Variants in BTN3A3 observed in about 807,000 individuals in gnomAD.
The protein encoded by BTN3A3 is butyrophilin 3.
BTN3A3 carries 39 observed loss-of-function variants against 43.2 expected under a neutral mutation model. The observed-to-expected ratio is 0.90, with a 90% CI of 0.70 to 1.18. The LOEUF (loss-of-function observed/expected upper bound fraction) is 1.18, where lower values mean the gene tolerates loss of function less well. Among genes scored for constraint, BTN3A3 ranks in the 50% most tolerant of loss-of-function variants. BTN3A3 has a pLI of 0.00. For synonymous variants in BTN3A3, 255 were observed against 272.7 expected (o/e 0.93, Z 0.64); for missense variants, 631 against 722.8 (o/e 0.87, Z 1.46).
At chr6:26,446,911 T>A (rs1468238773) in intron 5 of BTN3A3, among the ~76,000 whole-genome samples, 1 of 152,108 alleles carries the variant, frequency 6.6e-6, no homozygotes, top group Non-Finnish European at 1.5e-5. Context: ...ATATTTTTAC[T>A]AGAGATGTGG....
At chr6:26,440,917 G>A (rs1373509856) in intron 1 of BTN3A3, among the ~76,000 whole-genome samples, 2 of 152,156 alleles carry the variant, frequency 1.3e-5, no homozygotes, top group Non-Finnish European at 1.5e-5. Context: ...TTGGTGGAAG[G>A]AGAGGGAGAC....
rs1442642996 is a variant in BTN3A3 at position 26,450,106 on chromosome 6, G to C, written c.992-1G>C. On this transcript the variant is annotated splice_acceptor_variant, in intron 9 of 10. Transcript: ENST00000244519. LOFTEE classifies it high-confidence loss of function. ...TCTTATCTGTGTCTCCTTCCTTTCA[G>C]AATGGAAAATGGCCCTCTTCAAACC... The C allele has an allele frequency of 3.1e-6, 5 of 1,613,696 alleles. No homozygotes were observed. Among genetic ancestry groups the C allele is most frequent in the Non-Finnish European group, 4.2e-6 (5 of 1,179,622 alleles).
chr6:26,445,702 A>G lies in BTN3A3; in HGVS notation c.434-2A>G. On this transcript the variant is annotated splice_acceptor_variant, in intron 4 of 10. Coordinates refer to ENST00000244519, the MANE Select transcript of BTN3A3 (RefSeq NM_006994.5). LOFTEE classifies it high-confidence loss of function. ...AATTTAGGGCAATTTATCCTTCTAC[A>G]GCATTGGGTTCTGATCTTCACATTG... 1 of 1,612,422 alleles carries G rather than the reference A, an allele frequency of 6.2e-7. No homozygotes were observed. Among genetic ancestry groups the G allele is most frequent in the Non-Finnish European group, 8.5e-7 (1 of 1,178,558 alleles).
At chr6:26,450,239 G>A in intron 10 of BTN3A3, 106 bp downstream of exon 10, 25 of 1,386,586 alleles carry the variant, frequency 1.8e-5, no homozygotes, top group Middle Eastern at 3.6e-4. Context: ...CCTTGACTAA[G>A]AAAGTTTGGG....
At position 26,453,257 on chromosome 6, in the gene BTN3A3, G is replaced by C. The variant is rs367610347; in HGVS notation, c.*846G>C. On this transcript the variant is annotated 3_prime_UTR_variant, in exon 11 of 11. Transcript: ENST00000244519. ...CTGGAAATAGGTCTGTCCACTCCTG[G>C]TCATTGGTGGATGTTAAACCCATAT... The C allele has an allele frequency of 3.9e-5, 6 of 152,126 alleles. No individual in the cohort carries two copies. Among genetic ancestry groups the C allele is most frequent in the Non-Finnish European group, 8.8e-5 (6 of 68,040 alleles). The allele number at this position is 152,126 out of a possible 1,614,324, so 9.4% of individuals were successfully genotyped here.
chr6:26,452,146 C>G lies in BTN3A3; in HGVS notation c.1490C>G (p.Pro497Arg), dbSNP rs1014552283. Residue 497 changes from proline (P) to arginine (R), a missense_variant, in exon 11 of 11, where the codon CCT (proline) becomes CGT (arginine). Physicochemically the swap from Pro to Arg is moderately radical, Grantham distance 103. Coordinates refer to ENST00000244519, the MANE Select transcript of BTN3A3 (RefSeq NM_006994.5). Reference protein sequence around the residue: ...PHASFSEPLYPVFRILTLEPT... With the variant: ...PHASFSEPLYRVFRILTLEPT... ...GCCTCTTTCTCTGAGCCTCTATATCCTGTTTTCAGAATTTTGACCTTGGAG... is the reference window on the plus strand; with the variant it reads ...GCCTCTTTCTCTGAGCCTCTATATCGTGTTTTCAGAATTTTGACCTTGGAG... 1.2e-6 allele frequency: 2 copies of G among 1,614,146 alleles called. No individual in the cohort carries two copies. Among genetic ancestry groups the G allele is most frequent in the Non-Finnish European group, 1.7e-6 (2 of 1,180,040 alleles).
chr6:26,446,291 T>A (rs1185767435), intron 5 of BTN3A3, among the ~76,000 whole-genome samples: 1 of 152,098 alleles, frequency 6.6e-6, no homozygotes, highest in African/African-American at 2.4e-5. Context: ...AATGACAAAA[T>A]GGGAAAACAT....
chr6:26,444,339 C>T (rs774297690), intron 4 of BTN3A3, 35 bp downstream of exon 4: 3 of 1,611,992 alleles, frequency 1.9e-6, no homozygotes, highest in Non-Finnish European at 2.5e-6. Context: ...GAACACTTCT[C>T]TGTAGGATCT....
chr6:26,452,557 A>G lies in BTN3A3; in HGVS notation c.*146A>G. On this transcript the variant is annotated 3_prime_UTR_variant, in exon 11 of 11. Transcript: ENST00000244519. ...CAAGTGAACAGCAGAGCTGGGATCT[A>G]AACAGCAATAACTAACATTAACAGA... is the stretch of plus-strand genomic sequence containing the variant. The G allele has an allele frequency of 1.5e-6, 1 of 684,324 alleles. No homozygotes were observed. The highest frequency in any genetic ancestry group is 2.0e-5 in the South Asian group (1 of 49,828). 42.4% of individuals were successfully genotyped at this position (684,324 alleles called of 1,614,324 possible).
At chr6:26,446,101 A>G (rs1762773641) in intron 5 of BTN3A3, 116 bp downstream of exon 5, 8 of 1,504,728 alleles carry the variant, frequency 5.3e-6, no homozygotes, top group Non-Finnish European at 7.2e-6. Context: ...TCTACAATGC[A>G]TGTAAGGCTC....
chr6:26,444,095 T>G lies in BTN3A3; in HGVS notation c.224T>G (p.Val75Gly), dbSNP rs778103107. The G allele has an allele frequency of 6.2e-7, 1 of 1,613,866 alleles. No individual in the cohort carries two copies. Among genetic ancestry groups the G allele is most frequent in the Non-Finnish European group, 8.5e-7 (1 of 1,179,852 alleles). The change falls in exon 4 of 11, where the codon GTG (valine) becomes GGG (glycine). Residue 75 changes from valine (V) to glycine (G), a missense_variant. Transcript: ENST00000244519. ...LRWVSSSLRQVVNVYADGKEV... is the reference protein window; with the variant it reads ...LRWVSSSLRQGVNVYADGKEV... Reference sequence around the variant, plus strand: ...TGGGTGAGTTCCAGCCTAAGGCAGGTGGTGAACGTGTATGCAGATGGAAAG... The same window carrying G: ...TGGGTGAGTTCCAGCCTAAGGCAGGGGGTGAACGTGTATGCAGATGGAAAG...
rs776191427 is a variant in BTN3A3 at position 26,451,750 on chromosome 6, C to T, written c.1094C>T (p.Ala365Val). ...VSEDQRSVQR[A>V]EEPRDLPDNP... ...GAGGACCAGAGGAGTGTGCAGCGTG[C>T]TGAAGAGCCGCGGGATCTGCCAGAC... Residue 365 changes from alanine (A) to valine (V), a missense_variant, in exon 11 of 11, where the codon GCT becomes GTT. Around this residue, in one of 2 missense-constraint regions of BTN3A3, gnomAD observed 551 missense variants for 584.0 expected, o/e 0.94. Transcript: ENST00000244519. 7.4e-6 allele frequency: 12 copies of T among 1,614,050 alleles called. No individual in the cohort carries two copies. The highest frequency in any genetic ancestry group is 1.0e-5 in the Non-Finnish European group (12 of 1,180,026).
chr6:26,448,748 A>C lies in BTN3A3; in HGVS notation c.958A>C (p.Met320Leu). Residue 320 changes from methionine (M) to leucine (L), a missense_variant, in exon 8 of 11, where the codon ATG becomes CTG. By Grantham distance (15) the Met-to-Leu change is conservative. This residue lies in a region of BTN3A3 where 551 missense variants were observed against 584.0 expected (regional missense o/e 0.94). Coordinates refer to ENST00000244519, the MANE Select transcript of BTN3A3 (RefSeq NM_006994.5). ...EELKWRKIQY[M>L]ARGEKSLAYH... ...TGCAGAGTGGAGGAAAATCCAGTAC[A>C]TGGCTCGTGAGTGACTCTGACATTT... 6.2e-7 allele frequency: 1 copy of C among 1,613,782 alleles called. No homozygotes were observed.
rs752168656 is a variant in BTN3A3, at chr6:26,448,709, C to T, written c.938-19C>T. ...ACTTTGAGCACCTTGATAACCCTTC[C>T]CTATTCATTCCATTGCAGAGTGGAG... On this transcript the variant is annotated intron_variant, in intron 7 of 10. Transcript: ENST00000244519. 5 of 1,613,998 alleles carry T rather than the reference C, an allele frequency of 3.1e-6. No individual in the cohort carries two copies. The highest frequency in any genetic ancestry group is 4.2e-6 in the Non-Finnish European group (5 of 1,179,990).
At chr6:26,443,738 T>G (rs1581650947) in intron 3 of BTN3A3, 79 bp downstream of exon 3, 1 of 1,540,012 alleles carries the variant, frequency 6.5e-7, no homozygotes, top group South Asian at 1.1e-5. Flanking sequence ...AGCAGACAAT[T>G]ACCTAAATGC....
At chr6:26,448,161 C>A in intron 5 of BTN3A3, 87 bp from the exon 6 acceptor site, 6 of 1,466,334 alleles carry the variant, frequency 4.1e-6, no homozygotes, top group Non-Finnish European at 4.6e-6. Context: ...TGCCCCCAAC[C>A]TGGGCTGAGC....
At chr6:26,449,484 G>A in intron 8 of BTN3A3, 178 bp from the exon 9 acceptor site, 1 of 673,832 alleles carries the variant, frequency 1.5e-6, no homozygotes, top group Non-Finnish European at 2.6e-6. Flanking sequence ...TTCAACCAAT[G>A]TTCCCAGACT....
In BTN3A3 at chr6:26,440,525, C is replaced by G. The variant is rs1338535432; in HGVS notation, c.-190C>G. On this transcript the variant is annotated 5_prime_UTR_variant, in exon 1 of 11. Transcript: ENST00000244519. Reference sequence around the variant, plus strand: ...GATTGTTATTATTCCTCACAATAACCAGATAGCCTCTGCTTTCTTTTTCCT... The same window carrying G: ...GATTGTTATTATTCCTCACAATAACGAGATAGCCTCTGCTTTCTTTTTCCT... 3 of 152,194 alleles carry G rather than the reference C, an allele frequency of 2.0e-5. No homozygotes were observed. Among genetic ancestry groups the G allele is most frequent in the African/African-American group, 4.8e-5 (2 of 41,444 alleles). The allele number at this position is 152,194 out of a possible 1,614,324, so 9.4% of individuals were successfully genotyped here.
chr6:26,448,865 G>A, intron 8 of BTN3A3, 111 bp downstream of exon 8: 1 of 1,329,786 alleles, frequency 7.5e-7, no homozygotes, highest in Non-Finnish European at 1.1e-6. Flanking sequence ...AATGGTCCTA[G>A]ATCCCTTTAC....
Sources: gnomAD v4.1 joint callset for allele counts (sites outside exome capture counted in the v4.1 genomes callset) on GRCh38, gnomAD v4.1.1 for gene constraint, gnomAD v4.1.1 regional missense constraint, MANE v1.5 for transcripts, NCBI Gene and HGNC (gene_info 2026-07-23, HGNC 2026-07-21) for gene names.